WDFY3: variants seen among roughly 807,000 people sequenced by gnomAD.
The protein encoded by WDFY3 is WD repeat and FYVE domain-containing protein 3.
A neutral mutation model predicts 409.6 loss-of-function variants in WDFY3; 66 were observed. That is an observed-to-expected ratio of 0.16 (90% CI 0.13 to 0.20). WDFY3 has a LOEUF of 0.20. Among genes scored for constraint, WDFY3 ranks in the 10% least tolerant of loss-of-function variants. The pLI is 1.00. For synonymous variants in WDFY3, 1,521 were observed against 1,537.1 expected (o/e 0.99, Z 0.25); for missense variants, 3,031 against 4,298.1 (o/e 0.71, Z 8.24).
chr4:84,780,188 C>A lies in WDFY3; in HGVS notation c.4285G>T (p.Ala1429Ser). The stretch of plus-strand genomic sequence containing the variant: ...ACACAAACCAGGGCCTTGACTGCTG[C>A]ATATAACCCTTCCACATCAGAGGCC... ...AMASDVEGLY[A>S]AVKALVCVVK... Residue 1429 changes from alanine (A) to serine (S), a missense_variant, in exon 26 of 68, where the codon GCA (alanine) becomes TCA (serine). Ala to Ser is a moderately conservative substitution (Grantham distance 99). Transcript: ENST00000295888. 1 of 1,613,906 alleles carries A rather than the reference C, an allele frequency of 6.2e-7. No individual in the cohort carries two copies. Among genetic ancestry groups the A allele is most frequent in the Non-Finnish European group, 8.5e-7 (1 of 1,179,922 alleles).
intron 2 of WDFY3, among the ~76,000 whole-genome samples, chr4:84,915,784 G>A (rs937336548): frequency 3.0e-4 from 45 of 152,150 alleles, no homozygotes; most frequent in African/African-American, 1.0e-3. Context: ...GAAGCTTTAA[G>A]TGTACAGACC....
intron 56 of WDFY3, among the ~76,000 whole-genome samples, chr4:84,702,022 A>G (rs917011025): frequency 1.3e-5 from 2 of 152,144 alleles, no homozygotes; most frequent in Non-Finnish European, 2.9e-5. Context: ...ATATTTATTT[A>G]TTTAGAGACG....
intron 25 of WDFY3, among the ~76,000 whole-genome samples, chr4:84,780,804 C>A (rs187163547): frequency 1.3e-5 from 2 of 151,344 alleles, no homozygotes; most frequent in Non-Finnish European, 2.9e-5. Flanking sequence ...TAATAAAATT[C>A]TTTGAAAAGG....
intron 1 of WDFY3, among the ~76,000 whole-genome samples, chr4:84,937,235 T>C (rs1218938351): frequency 1.3e-5 from 2 of 152,134 alleles, no homozygotes; most frequent in African/African-American, 4.8e-5. Context: ...TTCTCATCTT[T>C]CTTGACTTAT....
rs1758643281 is a variant in WDFY3, at chr4:84,849,893, T to C, written c.304+9A>G. The C allele has an allele frequency of 6.8e-6, 11 of 1,609,092 alleles. No homozygotes were observed. The highest frequency in any genetic ancestry group is 9.3e-6 in the Non-Finnish European group (11 of 1,178,820). On this transcript the variant is annotated intron_variant, in intron 5 of 67. Coordinates refer to ENST00000295888, the MANE Select transcript of WDFY3 (RefSeq NM_014991.6). Reference sequence around the variant, plus strand: ...ACAAATCAGTTTTTGCTGGCTACTGTAAAAATACCTGTGGATTTGTTTGAT... The same window carrying C: ...ACAAATCAGTTTTTGCTGGCTACTGCAAAAATACCTGTGGATTTGTTTGAT...
chr4:84,823,117 C>T (rs1353283974), intron 10 of WDFY3, among the ~76,000 whole-genome samples: 1 of 152,116 alleles, frequency 6.6e-6, no homozygotes, highest in East Asian at 1.9e-4. Flanking sequence ...CTACAGCAAT[C>T]AAGACAGTGT....
At chr4:84,807,608 G>T (rs940742513) in intron 15 of WDFY3, among the ~76,000 whole-genome samples, 1 of 152,166 alleles carries the variant, frequency 6.6e-6, no homozygotes, top group Non-Finnish European at 1.5e-5. Flanking sequence ...GAGGAAAACA[G>T]GAAAAGTAAT....
chr4:84,799,473 CAT>C (rs751316758), intron 17 of WDFY3, among the ~76,000 whole-genome samples: 69 of 152,084 alleles, frequency 4.5e-4, no homozygotes, highest in Non-Finnish European at 8.7e-4. Flanking sequence ...TGCCTGGCCT[CAT>C]ACTTTATTTC....
intron 2 of WDFY3, among the ~76,000 whole-genome samples, chr4:84,924,408 T>C (rs1769704768): frequency 6.6e-6 from 1 of 152,224 alleles, no homozygotes; most frequent in African/African-American, 2.4e-5. Context: ...TAGTTGACCA[T>C]TTAACTTGAT....
intron 45 of WDFY3, among the ~76,000 whole-genome samples, chr4:84,726,382 G>T (rs1003345991): frequency 6.6e-6 from 1 of 151,918 alleles, no homozygotes; most frequent in Non-Finnish European, 1.5e-5. Flanking sequence ...AAATAAATTT[G>T]TATTTTAAAA....
At chr4:84,850,135 TAC>T (rs1324765406) in intron 4 of WDFY3, 110 bp from the exon 5 acceptor site, 9 of 1,162,630 alleles carry the variant, frequency 7.7e-6, no homozygotes, top group Admixed American at 2.7e-5. Context: ...AAAGTCTACC[TAC>T]ACAGTTACTT....
chr4:84,698,392 C>A (rs1730497853), intron 56 of WDFY3, among the ~76,000 whole-genome samples: 1 of 151,422 alleles, frequency 6.6e-6, no homozygotes. Flanking sequence ...TCAAGTGATC[C>A]TTCCACCTCA....
chr4:84,684,057 A>G lies in WDFY3; in HGVS notation c.9612T>C (p.Ser3204=). 6.2e-7 allele frequency: 1 copy of G among 1,613,504 alleles called. No homozygotes were observed. The highest frequency in any genetic ancestry group is 8.5e-7 in the Non-Finnish European group (1 of 1,179,524). Residue 3204 remains serine, a synonymous_variant, in exon 63 of 68, where the codon AGT becomes AGC. Coordinates refer to ENST00000295888, the MANE Select transcript of WDFY3 (RefSeq NM_014991.6). ...GGCTCCTACCTGTGAACGTGTTGAC[A>G]CTCACGATAGGGTTCCCATTGATGC... ...VWSINGNPIV[S]VNTFTGRSQQ... is the part of the protein sequence containing the mutation.
chr4:84,922,813 C>T (rs1455965253), intron 2 of WDFY3, among the ~76,000 whole-genome samples: 1 of 152,124 alleles, frequency 6.6e-6, no homozygotes, highest in East Asian at 1.9e-4. Context: ...GTGTGCACCA[C>T]CATGCCAGTG....
intron 1 of WDFY3, among the ~76,000 whole-genome samples, chr4:84,946,122 C>A (rs1258792080): frequency 6.6e-6 from 1 of 152,124 alleles, no homozygotes; most frequent in Non-Finnish European, 1.5e-5. Context: ...AACTACCAAA[C>A]CTCAGACCCT....
intron 13 of WDFY3, among the ~76,000 whole-genome samples, chr4:84,812,909 A>C (rs1752732660): frequency 1.3e-5 from 2 of 152,164 alleles, no homozygotes; most frequent in South Asian, 4.1e-4. Flanking sequence ...GACAAGTAGC[A>C]AACACCAAAG....
At chr4:84,957,066 C>T (rs1250013638) in intron 1 of WDFY3, among the ~76,000 whole-genome samples, 1 of 150,692 alleles carries the variant, frequency 6.6e-6, no homozygotes, top group Admixed American at 6.6e-5. Context: ...AACTAATGTG[C>T]TTATTTAATA....
intron 2 of WDFY3, among the ~76,000 whole-genome samples, chr4:84,914,979 A>C (rs1463202589): frequency 6.6e-6 from 1 of 152,250 alleles, no homozygotes; most frequent in South Asian, 2.1e-4. Flanking sequence ...CACATACAAT[A>C]GATTATTCTT....
intron 2 of WDFY3, among the ~76,000 whole-genome samples, chr4:84,901,081 C>A (rs1766279528): frequency 6.6e-6 from 1 of 152,170 alleles, no homozygotes; most frequent in South Asian, 2.1e-4. Context: ...TGTGTCCTCA[C>A]ATGGCAGAAG....
Sources: gnomAD v4.1 joint callset for allele counts (sites outside exome capture counted in the v4.1 genomes callset) on GRCh38, gnomAD v4.1.1 for gene constraint, MANE v1.5 for transcripts, NCBI Gene and HGNC (gene_info 2026-07-23, HGNC 2026-07-21) for gene names.